GLCE: variants seen among roughly 807,000 people sequenced by gnomAD.
GLCE encodes D-glucuronyl C5-epimerase.
A neutral mutation model predicts 47.9 loss-of-function variants in GLCE; 19 were observed. The observed-to-expected ratio is 0.40, with a 90% CI of 0.28 to 0.58. The LOEUF (loss-of-function observed/expected upper bound fraction) is 0.58. GLCE is among the 20% of genes least tolerant of loss of function. The pLI, the probability that GLCE is intolerant of heterozygous loss-of-function variation, is 0.48. For missense variants in GLCE, 556 were observed against 743.3 expected (o/e 0.75, Z 2.93); for synonymous variants, 245 against 263.4 (o/e 0.93, Z 0.68).
At chr15:69,255,754 G>A in intron 2 of GLCE, 40 bp from the exon 3 acceptor site, 1 of 1,164,438 alleles carries the variant, frequency 8.6e-7, no homozygotes, top group Non-Finnish European at 1.3e-6. Flanking sequence ...AATGCCGGTA[G>A]TACATCTTTG....
rs753911688 is a variant in GLCE at position 69,203,792 on chromosome 15, T to TA, written c.-104-6516dup. Among the ~76,000 whole-genome samples, 116 of 152,002 alleles carry TA rather than the reference T, an allele frequency of 7.6e-4. 1 individual carries two copies. In the Middle Eastern group the frequency reaches 0.01, roughly 13 times the overall value. On this transcript the variant is annotated intron_variant, in intron 1 of 4. Transcript: ENST00000261858. ...AATTAGTGCAGTTGCTGATTGGCTTTAAAAAAAACCCTCATATTCTTTTAA... is the reference window on the plus strand; with the variant it reads ...AATTAGTGCAGTTGCTGATTGGCTTTAAAAAAAAACCCTCATATTCTTTTAA...
rs778659402 is a variant in GLCE, at chr15:69,256,145, T to C, written c.339T>C (p.Asp113=). 3 of 1,613,886 alleles carry C rather than the reference T, an allele frequency of 1.9e-6. No individual in the cohort carries two copies. Among genetic ancestry groups the C allele is most frequent in the East Asian group, 4.5e-5 (2 of 44,888 alleles). ...AAGAAATTGACTGTCTCATAAATGA[T>C]GAACACACAATTAAAGGGAGACGAG... ...KYEEIDCLIN[D]EHTIKGRREG... is the part of the protein sequence containing the mutation. Residue 113 remains aspartate, a synonymous_variant, in exon 3 of 5, where the codon GAT becomes GAC. Transcript: ENST00000261858.
chr15:69,269,281 A>G lies in GLCE; in HGVS notation c.*37A>G, dbSNP rs549607958. 13 of 1,531,112 alleles carry G rather than the reference A, an allele frequency of 8.5e-6. No homozygotes were observed. The highest frequency in any genetic ancestry group is 6.8e-5 in the African/African-American group (5 of 73,382). 94.8% of individuals were successfully genotyped at this position (1,531,112 alleles called of 1,614,324 possible). A position where few individuals can be genotyped will look rare whatever the true frequency, so the allele number is the denominator to read the frequency against. On this transcript the variant is annotated 3_prime_UTR_variant, in exon 5 of 5. Transcript: ENST00000261858. Reference sequence around the variant, plus strand: ...AAAACTGCACTTCAGCCTCTGCTGTACACAGAAACTACAGGCTCTGTCTCA... The same window carrying G: ...AAAACTGCACTTCAGCCTCTGCTGTGCACAGAAACTACAGGCTCTGTCTCA...
At chr15:69,191,754 T>G (rs1371665870) in intron 1 of GLCE, among the ~76,000 whole-genome samples, 1 of 152,174 alleles carries the variant, frequency 6.6e-6, no homozygotes, top group Admixed American at 6.6e-5. Flanking sequence ...AGGAACCCTT[T>G]TGAAGTTCAA....
At chr15:69,206,911 C>A (rs1403749117) in intron 1 of GLCE, among the ~76,000 whole-genome samples, 2 of 151,938 alleles carry the variant, frequency 1.3e-5, no homozygotes, top group Non-Finnish European at 2.9e-5. Context: ...TTATGTACAT[C>A]TATAATTGTT....
chr15:69,176,064 A>G (rs2051657766), intron 1 of GLCE, among the ~76,000 whole-genome samples: 1 of 152,104 alleles, frequency 6.6e-6, no homozygotes, highest in Admixed American at 6.6e-5. Flanking sequence ...TTATATACTA[A>G]TGGTATATCT....
intron 2 of GLCE, among the ~76,000 whole-genome samples, chr15:69,241,295 A>G (rs1440789724): frequency 1.3e-5 from 2 of 152,228 alleles, no homozygotes; most frequent in African/African-American, 4.8e-5. Context: ...TTTGATGAAG[A>G]AGCAACACAT....
intron 2 of GLCE, among the ~76,000 whole-genome samples, chr15:69,225,110 G>A (rs935378246): frequency 6.6e-6 from 1 of 151,948 alleles, no homozygotes; most frequent in Non-Finnish European, 1.5e-5. Context: ...GATATAATAT[G>A]TCTAAAAAGG....
At chr15:69,228,005 G>A (rs1354045444) in intron 2 of GLCE, among the ~76,000 whole-genome samples, 1 of 152,170 alleles carries the variant, frequency 6.6e-6, no homozygotes, top group African/African-American at 2.4e-5. Context: ...GCTAATAGAT[G>A]CATTGAAAGC....
chr15:69,260,263 T>C (rs1034792939), intron 3 of GLCE, among the ~76,000 whole-genome samples: 2 of 143,506 alleles, frequency 1.4e-5, no homozygotes, highest in African/African-American at 5.2e-5. Flanking sequence ...TTTTTTTTTT[T>C]TTTTTTTTTT....
Position 69,261,626 on chromosome 15 carries a change from G to T in GLCE, c.829+297G>T, listed in dbSNP as rs1468008960. Among the ~76,000 whole-genome samples the T allele has an allele frequency of 5.9e-5, 9 of 152,270 alleles. No individual in the cohort carries two copies. In the East Asian group the frequency reaches 1.2e-3, roughly 20 times the overall value. ...GGGGTCTATATCTGATAGGAATGAA[G>T]TTCCTCCATTTAATATTTCAGTACA... On this transcript the variant is annotated intron_variant, in intron 4 of 4. Coordinates refer to ENST00000261858, the MANE Select transcript of GLCE (RefSeq NM_015554.3).
chr15:69,268,551 T>C lies in GLCE; in HGVS notation c.1161T>C (p.Gly387=), dbSNP rs765615243. 1 of 1,613,964 alleles carries C rather than the reference T, an allele frequency of 6.2e-7. No homozygotes were observed. Among genetic ancestry groups the C allele is most frequent in the African/African-American group, 1.3e-5 (1 of 74,896 alleles). Residue 387 remains glycine, a synonymous_variant, in exon 5 of 5, where the codon GGT becomes GGC. Transcript: ENST00000261858. ...AGGTGGTTAGGTTGATTGCAAAAGG[T>C]AAGGGATTCCTCGACAACATTACCA... is the stretch of plus-strand genomic sequence containing the variant. ...PKKVVRLIAK[G]KGFLDNITIS... is the part of the protein sequence containing the mutation.
intron 1 of GLCE, among the ~76,000 whole-genome samples, chr15:69,166,513 C>G (rs1468216875): frequency 1.3e-5 from 2 of 152,192 alleles, no homozygotes; most frequent in Non-Finnish European, 2.9e-5. Context: ...CTTCCTTTAG[C>G]ATATGAGGAA....
At chr15:69,260,290 TG>T (rs1422668663) in intron 3 of GLCE, among the ~76,000 whole-genome samples, 4 of 141,516 alleles carry the variant, frequency 2.8e-5, no homozygotes, top group Non-Finnish European at 6.1e-5. Context: ...GACAGAGTCT[TG>T]CTCCATCATC....
At chr15:69,209,392 G>A (rs1032935766) in intron 1 of GLCE, among the ~76,000 whole-genome samples, 1 of 151,988 alleles carries the variant, frequency 6.6e-6, no homozygotes, top group African/African-American at 2.4e-5. Context: ...TATGCAAAAT[G>A]TTGATATATT....
At chr15:69,264,009 T>G (rs1444444424) in intron 4 of GLCE, among the ~76,000 whole-genome samples, 3 of 152,224 alleles carry the variant, frequency 2.0e-5, no homozygotes, top group Non-Finnish European at 4.4e-5. Context: ...TTGTATGGTG[T>G]TGGTGGTGGT....
At chr15:69,193,733 GAGTA>G (rs1239424559) in intron 1 of GLCE, among the ~76,000 whole-genome samples, 3 of 151,974 alleles carry the variant, frequency 2.0e-5, no homozygotes, top group Admixed American at 6.6e-5. Context: ...ACTACCTGGA[GAGTA>G]AGTGTCTCCT....
chr15:69,190,280 G>A (rs897336894), intron 1 of GLCE, among the ~76,000 whole-genome samples: 2 of 151,900 alleles, frequency 1.3e-5, no homozygotes, highest in African/African-American at 4.8e-5. Flanking sequence ...ATTTGGTGGT[G>A]GATTCTATAA....
At chr15:69,178,851 A>AT (rs2051710674) in intron 1 of GLCE, among the ~76,000 whole-genome samples, 2 of 152,182 alleles carry the variant, frequency 1.3e-5, no homozygotes, top group Non-Finnish European at 2.9e-5. Context: ...CAAAAAACAT[A>AT]TATGACTCTT....
Sources: allele counts gnomAD v4.1 joint callset (sites outside exome capture counted in the v4.1 genomes callset), GRCh38; gene constraint gnomAD v4.1.1; transcripts MANE v1.5; gene names NCBI Gene and HGNC (gene_info 2026-07-23, HGNC 2026-07-21).